The following VAT1L variants were observed in gnomAD, a reference collection of about 807,000 sequenced individuals.
The protein encoded by VAT1L is putative NADPH-dependent quinone oxidoreductase VAT1L.
In VAT1L, 34 loss-of-function variants were observed where a neutral mutation model predicts 44.1. The observed-to-expected ratio is 0.77, with a 90% confidence interval of 0.59 to 1.03. VAT1L has a LOEUF of 1.03. Ranked by LOEUF, VAT1L falls within the 50% of genes least tolerant of loss-of-function variation. The pLI is 0.00. For synonymous variants in VAT1L, 253 were observed against 202.2 expected, an observed-to-expected ratio of 1.25 and a Z score of -2.13; for missense variants, 615 against 538.8, an observed-to-expected ratio of 1.14 and a Z score of -1.40.
chr16:77,829,917 A>G (rs1678241457), intron 3 of VAT1L, among the ~76,000 whole-genome samples: 1 of 152,212 alleles, frequency 6.6e-6, no homozygotes, highest in Non-Finnish European at 1.5e-5. Context: ...GGCAGTAAGC[A>G]AGCATCATTC....
chr16:77,844,566 G>A (rs2016740020), intron 3 of VAT1L, among the ~76,000 whole-genome samples: 2 of 151,924 alleles, frequency 1.3e-5, no homozygotes. Context: ...CCACCACCAC[G>A]CCTGGCTACT....
chr16:77,979,588 C>A lies in VAT1L; in HGVS notation c.*1893C>A, dbSNP rs887516973. On this transcript the variant is annotated 3_prime_UTR_variant, in exon 9 of 9. Transcript: ENST00000302536. ...AGCCCTTGGCCATACTAGGGCTCTC[C>A]TTCCCCCGGGGAGTGGGAACTCAGC... The A allele has an allele frequency of 1.3e-5, 2 of 152,110 alleles. No individual in the cohort carries two copies. The highest frequency in any genetic ancestry group is 4.8e-5 in the African/African-American group (2 of 41,420). The allele number at this position is 152,110 out of a possible 1,614,324, so 9.4% of individuals were successfully genotyped here.
intron 4 of VAT1L, among the ~76,000 whole-genome samples, chr16:77,875,172 G>A (rs1015063532): frequency 2.0e-5 from 3 of 152,196 alleles, no homozygotes; most frequent in Non-Finnish European, 4.4e-5. Context: ...TTTTGGATGA[G>A]CCTTGGTAGT....
At chr16:77,871,519 A>G (rs528588408) in intron 4 of VAT1L, among the ~76,000 whole-genome samples, 30 of 152,260 alleles carry the variant, frequency 2.0e-4, no homozygotes, top group Admixed American at 5.9e-4. Context: ...TACTTACCCT[A>G]TGAAACCCTA....
intron 4 of VAT1L, among the ~76,000 whole-genome samples, chr16:77,868,395 T>G (rs1259488621): frequency 1.3e-5 from 2 of 152,002 alleles, no homozygotes; most frequent in African/African-American, 4.8e-5. Context: ...TGCAAGACAA[T>G]GGGGTTGGCA....
At chr16:77,972,570 C>T (rs886856266) in intron 8 of VAT1L, among the ~76,000 whole-genome samples, 3 of 151,966 alleles carry the variant, frequency 2.0e-5, no homozygotes, top group African/African-American at 7.2e-5. Flanking sequence ...CATCTGAGGT[C>T]AGGAGTTTGA....
chr16:77,953,280 T>G (rs886346003), intron 7 of VAT1L, among the ~76,000 whole-genome samples: 1 of 152,206 alleles, frequency 6.6e-6, no homozygotes, highest in Non-Finnish European at 1.5e-5. Flanking sequence ...TTTCTGTTGT[T>G]TCAAGCCACC....
intron 2 of VAT1L, among the ~76,000 whole-genome samples, chr16:77,822,318 G>T (rs976469378): frequency 6.6e-6 from 1 of 151,980 alleles, no homozygotes; most frequent in African/African-American, 2.4e-5. Flanking sequence ...ATTTTTAGTA[G>T]AGACGGGGTT....
chr16:77,790,653 T>A (rs905886698), intron 1 of VAT1L, among the ~76,000 whole-genome samples: 1 of 152,160 alleles, frequency 6.6e-6, no homozygotes, highest in Non-Finnish European at 1.5e-5. Flanking sequence ...ATATATACAA[T>A]TATATATACA....
intron 7 of VAT1L, among the ~76,000 whole-genome samples, chr16:77,965,254 G>A (rs924364493): frequency 2.0e-5 from 3 of 152,152 alleles, no homozygotes; most frequent in Admixed American, 6.5e-5. Flanking sequence ...ATGAGTGAAC[G>A]AATGAGTAGT....
At chr16:77,833,799 T>C (rs926259920) in intron 3 of VAT1L, among the ~76,000 whole-genome samples, 4 of 151,194 alleles carry the variant, frequency 2.6e-5, no homozygotes, top group African/African-American at 9.7e-5. Context: ...GGAATAGGCT[T>C]TCATGAGAGG....
chr16:77,923,975 A>G (rs959849721), intron 7 of VAT1L, among the ~76,000 whole-genome samples: 1 of 150,812 alleles, frequency 6.6e-6, no homozygotes, highest in Non-Finnish European at 1.5e-5. Flanking sequence ...CCCAGTAAAG[A>G]TGAGGAAATC....
At chr16:77,870,404 A>G (rs1456250753) in intron 4 of VAT1L, among the ~76,000 whole-genome samples, 3 of 152,222 alleles carry the variant, frequency 2.0e-5, no homozygotes, top group African/African-American at 7.2e-5. Context: ...GCTGGAGAGC[A>G]AAGTCACCAT....
At chr16:77,823,345 T>TC (rs1169342783) in intron 2 of VAT1L, among the ~76,000 whole-genome samples, 3 of 152,184 alleles carry the variant, frequency 2.0e-5, no homozygotes, top group Non-Finnish European at 4.4e-5. Context: ...AAGTAGATTT[T>TC]CCTCTAAGCC....
At chr16:77,936,964 A>C (rs948003860) in intron 7 of VAT1L, among the ~76,000 whole-genome samples, 3 of 152,146 alleles carry the variant, frequency 2.0e-5, no homozygotes, top group African/African-American at 7.2e-5. Flanking sequence ...GGCTCAGTGC[A>C]TCCTCCACCT....
At chr16:77,895,510 G>A (rs1299326432) in intron 7 of VAT1L, among the ~76,000 whole-genome samples, 1 of 152,140 alleles carries the variant, frequency 6.6e-6, no homozygotes, top group African/African-American at 2.4e-5. Flanking sequence ...CAGAGGAGCA[G>A]ATGCGATGGC....
chr16:77,819,562 T>C (rs1188037975), intron 2 of VAT1L, among the ~76,000 whole-genome samples: 2 of 152,140 alleles, frequency 1.3e-5, no homozygotes, highest in African/African-American at 4.8e-5. Flanking sequence ...TTTGTATTTT[T>C]AGTAAAGACA....
At chr16:77,908,070 C>T (rs1255072100) in intron 7 of VAT1L, among the ~76,000 whole-genome samples, 3 of 152,152 alleles carry the variant, frequency 2.0e-5, no homozygotes, top group African/African-American at 7.2e-5. Flanking sequence ...GAAACCCCGT[C>T]TCTACTAAAA....
At chr16:77,826,206 CAAAAA>C (rs11298500) in intron 3 of VAT1L, among the ~76,000 whole-genome samples, 2 of 128,242 alleles carry the variant, frequency 1.6e-5, no homozygotes, top group Non-Finnish European at 1.7e-5. Flanking sequence ...GACTCCGTCT[CAAAAA>C]AAAAAAAAAA....
Sources: gnomAD v4.1 joint callset for allele counts (sites outside exome capture counted in the v4.1 genomes callset) on GRCh38, gnomAD v4.1.1 for gene constraint, MANE v1.5 for transcripts, NCBI Gene and HGNC (gene_info 2026-07-23, HGNC 2026-07-21) for gene names.